The following CNTN5 variants were observed in gnomAD, a reference collection of about 807,000 sequenced individuals.
CNTN5 encodes contactin 5.
Under a neutral mutation model 129.1 loss-of-function variants are expected in CNTN5, and 77 were observed. The ratio of observed to expected loss-of-function variants is 0.60; its 90% CI spans 0.50 to 0.72. The LOEUF (loss-of-function observed/expected upper bound fraction) is 0.72. Among genes scored for constraint, CNTN5 ranks in the 30% least tolerant of loss-of-function variants. CNTN5 has a pLI of 0.00. For synonymous variants in CNTN5, 509 were observed against 465.6 expected (o/e 1.09, Z -1.20); for missense variants, 1,478 against 1,328.8 (o/e 1.11, Z -1.75).
chr11:99,537,481 T>A (rs1043074363), intron 2 of CNTN5, among the ~76,000 whole-genome samples: 1 of 152,076 alleles, frequency 6.6e-6, no homozygotes, highest in African/African-American at 2.4e-5. Flanking sequence ...GTAAGACCCC[T>A]CCCCACCCAA....
chr11:99,857,038 C>T (rs76894259), intron 6 of CNTN5, among the ~76,000 whole-genome samples: 1,691 of 151,110 alleles, frequency 0.011, 24 homozygotes, highest in African/African-American at 0.038. Flanking sequence ...CTATCTCCCT[C>T]TCTCTCTCCC....
intron 2 of CNTN5, among the ~76,000 whole-genome samples, chr11:99,434,981 T>G (rs752181418): frequency 1.6e-4 from 24 of 152,272 alleles, no homozygotes; most frequent in Non-Finnish European, 2.9e-4. Flanking sequence ...AATATATTTC[T>G]CAGCAAAGAG....
chr11:99,186,637 A>T (rs998269249), intron 1 of CNTN5, among the ~76,000 whole-genome samples: 2 of 151,962 alleles, frequency 1.3e-5, no homozygotes, highest in African/African-American at 4.8e-5. Flanking sequence ...AAGAACACAA[A>T]GTTAAAGAAA....
chr11:99,474,844 G>A (rs941368581), intron 2 of CNTN5, among the ~76,000 whole-genome samples: 17 of 151,992 alleles, frequency 1.1e-4, no homozygotes, highest in Non-Finnish European at 1.9e-4. Flanking sequence ...TAATGTTTCC[G>A]GAATAAAACA....
chr11:99,957,071 A>AGT (rs1277489869), intron 8 of CNTN5, 62 bp downstream of exon 8: 44 of 1,385,126 alleles, frequency 3.2e-5, no homozygotes, highest in Non-Finnish European at 3.7e-5. Flanking sequence ...AAGATGTATT[A>AGT]GTGTGTGTTT....
intron 3 of CNTN5, among the ~76,000 whole-genome samples, chr11:99,788,245 T>C (rs898317777): frequency 6.6e-6 from 1 of 152,084 alleles, no homozygotes; most frequent in East Asian, 1.9e-4. Context: ...CATTAATGAA[T>C]ACTGTCTATT....
Position 99,165,950 on chromosome 11 carries a change from C to T in CNTN5, c.-210+144680C>T, listed in dbSNP as rs1044186310. The stretch of plus-strand genomic sequence containing the variant: ...AGTCAACATTAATATTCAGCATAAT[C>T]CACCTTTAAATTTTGTATTATATTA... On this transcript the variant is annotated intron_variant, in intron 1 of 24. Coordinates refer to ENST00000524871, the MANE Select transcript of CNTN5 (RefSeq NM_014361.4). 4.5e-4 allele frequency among the ~76,000 whole-genome samples: 69 copies of T among 152,110 alleles called. 1 individual carries two copies. The highest frequency in any genetic ancestry group is 1.5e-4 in the Non-Finnish European group (10 of 68,030).
intron 7 of CNTN5, among the ~76,000 whole-genome samples, chr11:99,946,107 G>A (rs1439349542): frequency 2.0e-5 from 3 of 152,084 alleles, no homozygotes; most frequent in South Asian, 2.1e-4. Flanking sequence ...CATCTTTAAC[G>A]GTCATCTCCT....
At chr11:99,336,048 A>C (rs968839990) in intron 2 of CNTN5, among the ~76,000 whole-genome samples, 5 of 152,028 alleles carry the variant, frequency 3.3e-5, no homozygotes, top group Non-Finnish European at 7.4e-5. Context: ...AAAAAAAAAA[A>C]CTTTTTGTTT....
At chr11:100,053,693 C>T (rs1381545407) in intron 9 of CNTN5, among the ~76,000 whole-genome samples, 3 of 151,010 alleles carry the variant, frequency 2.0e-5, no homozygotes, top group Non-Finnish European at 4.4e-5. Flanking sequence ...CATTTACTTA[C>T]CGTACATTCT....
chr11:100,276,692 T>C (rs896774812), intron 18 of CNTN5, among the ~76,000 whole-genome samples: 7 of 152,120 alleles, frequency 4.6e-5, no homozygotes. Flanking sequence ...GGGTATACAG[T>C]AGGTATATAT....
At chr11:99,060,791 A>G (rs1394228216) in intron 1 of CNTN5, among the ~76,000 whole-genome samples, 1 of 152,166 alleles carries the variant, frequency 6.6e-6, no homozygotes, top group Non-Finnish European at 1.5e-5. Context: ...CCCAAATAGT[A>G]GTATATTAAA....
At chr11:99,456,135 C>G (rs1259509288) in intron 2 of CNTN5, among the ~76,000 whole-genome samples, 1 of 151,942 alleles carries the variant, frequency 6.6e-6, no homozygotes, top group African/African-American at 2.4e-5. Flanking sequence ...TTTTTAAACT[C>G]TTTTTTATTT....
chr11:100,144,452 C>A (rs1012620559), intron 13 of CNTN5, among the ~76,000 whole-genome samples: 2 of 152,044 alleles, frequency 1.3e-5, no homozygotes, highest in Non-Finnish European at 2.9e-5. Context: ...TTTGCTCCCA[C>A]CTACGAGAAC....
chr11:100,081,443 A>C (rs542576177), intron 13 of CNTN5, among the ~76,000 whole-genome samples: 1 of 152,220 alleles, frequency 6.6e-6, no homozygotes. Context: ...ATATCTACTA[A>C]ATTCAGAAAT....
intron 13 of CNTN5, among the ~76,000 whole-genome samples, chr11:100,086,882 A>G (rs963784958): frequency 9.2e-5 from 14 of 151,628 alleles, no homozygotes; most frequent in Admixed American, 2.6e-4. Flanking sequence ...TTCAGAATAT[A>G]AGGGAAAATT....
chr11:100,080,283 G>T (rs1254621607), intron 13 of CNTN5, among the ~76,000 whole-genome samples: 2 of 151,858 alleles, frequency 1.3e-5, no homozygotes, highest in East Asian at 3.9e-4. Flanking sequence ...TCCTATGGAG[G>T]TGCAGTATTA....
In CNTN5 at chr11:99,558,108, A is replaced by G. The variant is rs909440106; in HGVS notation, c.55+1839A>G. On this transcript the variant is annotated intron_variant, in intron 3 of 24. Transcript: ENST00000524871. ...AAGGTAAGGTATCTCAAAGGCATTA[A>G]GAGTTAAGTGAAAACTGTGATTCAT... is the stretch of plus-strand genomic sequence containing the variant. The G allele has an allele frequency of 3.4e-5, 6 of 177,444 alleles. No homozygotes were observed. The South Asian group carries it at 4.4e-4, about 13-fold the overall frequency. 11.0% of individuals were successfully genotyped at this position (177,444 alleles called of 1,614,324 possible).
intron 3 of CNTN5, among the ~76,000 whole-genome samples, chr11:99,557,113 T>C (rs975993930): frequency 6.6e-6 from 1 of 151,322 alleles, no homozygotes; most frequent in African/African-American, 2.4e-5. Flanking sequence ...CTGATAATTT[T>C]AGATTAAAAG....
Sources: allele counts gnomAD v4.1 joint callset (sites outside exome capture counted in the v4.1 genomes callset), GRCh38; gene constraint gnomAD v4.1.1; transcripts MANE v1.5; gene names NCBI Gene and HGNC (gene_info 2026-07-23, HGNC 2026-07-21).